The following THG1L variants were observed in gnomAD, a reference collection of about 807,000 sequenced individuals.
THG1L encodes probable tRNA(His) guanylyltransferase.
THG1L carries 27 observed loss-of-function variants against 35.2 expected under a neutral mutation model. That is an observed-to-expected ratio of 0.77 (90% CI 0.57 to 1.06). THG1L has a LOEUF of 1.06. THG1L is among the 50% of genes least tolerant of loss of function. THG1L has a pLI of 0.00. For missense variants in THG1L, 377 were observed against 371.8 expected (o/e 1.01, Z -0.12); for synonymous variants, 135 against 132.4 (o/e 1.02, Z -0.14).
At chr5:157,733,728 T>G (rs912881369) in intron 2 of THG1L, among the ~76,000 whole-genome samples, 2 of 152,126 alleles carry the variant, frequency 1.3e-5, no homozygotes. Context: ...ATCCCAACAC[T>G]TTGAGAGGGT....
At chr5:157,734,017 G>A (rs757509265) in intron 2 of THG1L, among the ~76,000 whole-genome samples, 19 of 152,090 alleles carry the variant, frequency 1.2e-4, no homozygotes, top group Non-Finnish European at 2.1e-4. Context: ...TCATAAATTC[G>A]TATCACATCC....
At chr5:157,736,018 A>G (rs1760863011) in intron 4 of THG1L, 84 bp downstream of exon 4, 2 of 910,698 alleles carry the variant, frequency 2.2e-6, no homozygotes, top group Non-Finnish European at 3.4e-6. Context: ...TTAAATTTAC[A>G]TTTCTTTCTT....
intron 1 of THG1L, among the ~76,000 whole-genome samples, chr5:157,732,213 T>A (rs1162102748): frequency 6.5e-4 from 3 of 4,640 alleles, no homozygotes; most frequent in African/African-American, 9.0e-4. Flanking sequence ...ACTCCGCCAC[T>A]ACAAAAAAAA....
intron 3 of THG1L, among the ~76,000 whole-genome samples, chr5:157,735,608 A>C (rs1379636645): frequency 1.3e-5 from 2 of 152,250 alleles, no homozygotes; most frequent in Non-Finnish European, 2.9e-5. Flanking sequence ...ACAAGTTAAC[A>C]GATTTGTATA....
At position 157,741,018 on chromosome 5, in the gene THG1L, C is replaced by G. The variant is rs1369625288; in HGVS notation, c.*1536C>G. ...GCCAGGAGTCCAAGACCAGCACGTCCAACATGGCAAAACCCAGTCTGTACT... is the reference window on the plus strand; with the variant it reads ...GCCAGGAGTCCAAGACCAGCACGTCGAACATGGCAAAACCCAGTCTGTACT... On this transcript the variant is annotated 3_prime_UTR_variant, in exon 6 of 6. Coordinates refer to ENST00000231198, the MANE Select transcript of THG1L (RefSeq NM_017872.5). The G allele has an allele frequency of 1.3e-5, 2 of 152,116 alleles. No homozygotes were observed. The highest frequency in any genetic ancestry group is 2.4e-5 in the African/African-American group (1 of 41,354). The allele number at this position is 152,116 out of a possible 1,614,324, so 9.4% of individuals were successfully genotyped here. A position where few individuals can be genotyped will look rare whatever the true frequency, so the allele number is the denominator to read the frequency against.
At position 157,735,936 on chromosome 5, in the gene THG1L, T is replaced by TA. The variant is rs1448450650; in HGVS notation, c.627+3dup. Reference sequence around the variant, plus strand: ...GTACAAGCCCAAGGGAGATTACAGGTATAAAGATCTTACTACATTAATACT... The same window carrying TA: ...GTACAAGCCCAAGGGAGATTACAGGTAATAAAGATCTTACTACATTAATACT... On this transcript the variant is annotated splice_region_variant and intron_variant, in intron 4 of 5. Coordinates refer to ENST00000231198, the MANE Select transcript of THG1L (RefSeq NM_017872.5). 16 of 1,582,186 alleles carry TA rather than the reference T, an allele frequency of 1.0e-5. No individual in the cohort carries two copies. Among genetic ancestry groups the TA allele is most frequent in the Non-Finnish European group, 1.4e-5 (16 of 1,160,518 alleles).
At position 157,732,881 on chromosome 5, in the gene THG1L, C is replaced by G. The variant is rs1446202579; in HGVS notation, c.205C>G (p.His69Asp). ...TCCCCTGTGAAGGTTTGCTGAGAAG[C>G]ACAACTTTGCAAAACCCAATGACAG... Reference protein sequence around the residue: ...GRNFHRFAEKHNFAKPNDSRA... With the variant: ...GRNFHRFAEKDNFAKPNDSRA... The change falls in exon 2 of 6, where the codon CAC (histidine) becomes GAC (aspartate). Residue 69 changes from histidine to aspartate, a missense_variant. Physicochemically the swap from His to Asp is moderately conservative, Grantham distance 81. Transcript: ENST00000231198. 25 of 1,614,054 alleles carry G rather than the reference C, an allele frequency of 1.5e-5. No homozygotes were observed. In the Admixed American group the frequency reaches 4.2e-4, roughly 27 times the overall value.
intron 2 of THG1L, among the ~76,000 whole-genome samples, chr5:157,734,311 C>T (rs967641239): frequency 3.9e-5 from 6 of 152,084 alleles, no homozygotes; most frequent in African/African-American, 1.4e-4. Context: ...TCACTTGAAC[C>T]CAGGAGGCAG....
chr5:157,731,778 G>A, intron 1 of THG1L, 147 bp downstream of exon 1: 1 of 1,046,420 alleles, frequency 9.6e-7, no homozygotes, highest in Non-Finnish European at 1.4e-6. Context: ...GCATTGCCCC[G>A]CCCTGCGTGT....
rs1297947003 is a variant in THG1L, at chr5:157,731,507, TACCTGAGATTGGGGGCG to T, written c.71_87del (p.Leu24HisfsTer15). The T allele has an allele frequency of 2.5e-6, 4 of 1,612,946 alleles. No homozygotes were observed. In the African/African-American group the frequency reaches 5.3e-5, roughly 22 times the overall value. ...CACCATTTCCATCACTCTGAGACGGTACCTGAGATTGGGGGCGACCATGGCAAAAAGCAAGTTCGAGT... is the reference window on the plus strand; with the variant it reads ...CACCATTTCCATCACTCTGAGACGGTACCATGGCAAAAAGCAAGTTCGAGT... On this transcript the variant is annotated frameshift_variant, in exon 1 of 6. Coordinates refer to ENST00000231198, the MANE Select transcript of THG1L (RefSeq NM_017872.5). LOFTEE classifies it high-confidence loss of function.
Position 157,739,315 on chromosome 5 carries a change from C to G in THG1L, c.736-6C>G, listed in dbSNP as rs1760972478. ...AACAATGTCACTACTTTATTTTTACCTGTAGGTGGATGAAGTGATGACAAA... is the reference window on the plus strand; with the variant it reads ...AACAATGTCACTACTTTATTTTTACGTGTAGGTGGATGAAGTGATGACAAA... On this transcript the variant is annotated splice_region_variant and splice_polypyrimidine_tract_variant and intron_variant, in intron 5 of 5. Coordinates refer to ENST00000231198, the MANE Select transcript of THG1L (RefSeq NM_017872.5). The G allele has an allele frequency of 6.2e-7, 1 of 1,611,774 alleles. No homozygotes were observed. The highest frequency in any genetic ancestry group is 1.3e-5 in the African/African-American group (1 of 74,772).
chr5:157,739,330 G>T lies in THG1L; in HGVS notation c.745G>T (p.Val249Leu), dbSNP rs754405686. 8.1e-6 allele frequency: 13 copies of T among 1,612,980 alleles called. No homozygotes were observed. In the African/African-American group the frequency reaches 1.1e-4, roughly 13 times the overall value. ...TVLIWQKVDE[V>L]MTKEIKLPTE... is the part of the protein sequence containing the mutation. ...TTATTTTTACCTGTAGGTGGATGAA[G>T]TGATGACAAAAGAAATTAAGCTGCC... The change falls in exon 6 of 6, where the codon GTG becomes TTG. Residue 249 changes from valine (V) to leucine (L), a missense_variant. Coordinates refer to ENST00000231198, the MANE Select transcript of THG1L (RefSeq NM_017872.5).
chr5:157,739,710 A>G lies in THG1L; in HGVS notation c.*228A>G. The stretch of plus-strand genomic sequence containing the variant: ...GGTGTTGGAACATGGTTCCTTTGGC[A>G]GAAGTGCTTTTTTTTTAATCGCAGT... On this transcript the variant is annotated 3_prime_UTR_variant, in exon 6 of 6. Coordinates refer to ENST00000231198, the MANE Select transcript of THG1L (RefSeq NM_017872.5). 1 of 394,736 alleles carries G rather than the reference A, an allele frequency of 2.5e-6. No homozygotes were observed. The highest frequency in any genetic ancestry group is 4.5e-5 in the Admixed American group (1 of 22,434). The allele number at this position is 394,736 out of a possible 1,614,324, so 24.5% of individuals were successfully genotyped here. A position where few individuals can be genotyped will look rare whatever the true frequency, so the allele number is the denominator to read the frequency against.
chr5:157,735,846 GTCACATCAATAA>G lies in THG1L; in HGVS notation c.542_553del (p.His181_Asn184del), dbSNP rs759541363. 1 of 1,589,532 alleles carries G rather than the reference GTCACATCAATAA, an allele frequency of 6.3e-7. No individual in the cohort carries two copies. The highest frequency in any genetic ancestry group is 8.6e-7 in the Non-Finnish European group (1 of 1,166,476). ...CATTACTATTTTGTTCTCCTCACAG[GTCACATCAATAA>G]TCTTTATAATACAGTTTTCTGGGCA... On this transcript the variant is annotated inframe_deletion and splice_region_variant, in exon 4 of 6. Coordinates refer to ENST00000231198, the MANE Select transcript of THG1L (RefSeq NM_017872.5).
chr5:157,738,053 T>C (rs760705010), intron 5 of THG1L, 59 bp downstream of exon 5: 415 of 1,367,022 alleles, frequency 3.0e-4, no homozygotes, highest in Middle Eastern at 7.2e-4. Flanking sequence ...CCTGTGCCCA[T>C]TCCAAGCTGT....
At chr5:157,732,776 C>G in intron 1 of THG1L, 92 bp from the exon 2 acceptor site, 2 of 1,471,974 alleles carry the variant, frequency 1.4e-6, no homozygotes, top group Admixed American at 1.8e-5. Context: ...ATTACATTAT[C>G]TTCCTCCAAA....
Position 157,732,965 on chromosome 5 carries a change from A to T in THG1L, c.289A>T (p.Ile97Phe). ...GACTGTGATGGAAGAACTAGAGGAT[A>T]TTGTGATCGCGTATGGACAGAGTGA... The part of the protein sequence containing the change: ...AQTVMEELED[I>F]VIAYGQSDEY... The change falls in exon 2 of 6, where the codon ATT (isoleucine) becomes TTT (phenylalanine). Residue 97 changes from isoleucine (I) to phenylalanine (F), a missense_variant. Coordinates refer to ENST00000231198, the MANE Select transcript of THG1L (RefSeq NM_017872.5). 6.2e-7 allele frequency: 1 copy of T among 1,614,220 alleles called. No individual in the cohort carries two copies. The highest frequency in any genetic ancestry group is 8.5e-7 in the Non-Finnish European group (1 of 1,180,042).
chr5:157,738,099 G>C (rs1466340553), intron 5 of THG1L, 105 bp downstream of exon 5: 1 of 838,920 alleles, frequency 1.2e-6, no homozygotes, highest in African/African-American at 1.8e-5. Context: ...TGTTACTCCA[G>C]TTGCTAATGC....
chr5:157,731,783 G>A (rs1760729556), intron 1 of THG1L, 152 bp downstream of exon 1: 2 of 1,012,960 alleles, frequency 2.0e-6, no homozygotes, highest in South Asian at 3.4e-5. Flanking sequence ...GCCCCGCCCT[G>A]CGTGTTGGCT....
Sources: allele counts gnomAD v4.1 joint callset (sites outside exome capture counted in the v4.1 genomes callset), GRCh38; gene constraint gnomAD v4.1.1; transcripts MANE v1.5; gene names NCBI Gene and HGNC (gene_info 2026-07-23, HGNC 2026-07-21).